GALNT18: variants seen among roughly 807,000 people sequenced by gnomAD.
The protein encoded by GALNT18 is polypeptide N-acetylgalactosaminyltransferase 18.
Under a neutral mutation model 69.5 loss-of-function variants are expected in GALNT18, and 44 were observed. The ratio of observed to expected loss-of-function variants is 0.63; its 90% CI spans 0.50 to 0.81. The LOEUF (loss-of-function observed/expected upper bound fraction) is 0.81. GALNT18 is among the 40% of genes least tolerant of loss of function. The probability of loss-of-function intolerance (pLI) is 0.00; values close to 1 mark genes in which losing one functional copy is unlikely to be tolerated. For synonymous variants in GALNT18, 364 were observed against 318.2 expected (o/e 1.14, Z -1.53); for missense variants, 715 against 810.0 (o/e 0.88, Z 1.42).
At chr11:11,326,262 T>C (rs764024743) in intron 9 of GALNT18, among the ~76,000 whole-genome samples, 4 of 152,114 alleles carry the variant, frequency 2.6e-5, no homozygotes, top group Non-Finnish European at 4.4e-5. Context: ...GCCAAGATGG[T>C]CTCGATCTCC....
intron 9 of GALNT18, among the ~76,000 whole-genome samples, chr11:11,293,533 CTTTTTTTTTTT>C (rs34166465): frequency 8.7e-5 from 7 of 80,190 alleles, no homozygotes; most frequent in Admixed American, 1.7e-4. Context: ...ACAAACCCCT[CTTTTTTTTTTT>C]TTTTTTTTTT....
rs544818731 is a variant in GALNT18 at position 11,511,436 on chromosome 11, C to A, written c.236-62500G>T. On this transcript the variant is annotated intron_variant, in intron 1 of 10. Coordinates refer to ENST00000227756, the MANE Select transcript of GALNT18 (RefSeq NM_198516.3). This position sits in a 1 kb window ranked among gnomAD's most constrained non-coding sequence, Gnocchi z 4.9. Reference sequence around the variant, plus strand: ...CAGTCCCCTACAGCTAACAGAGCGACCCCATACATGTGATCCCCAGAATAG... The same window carrying A: ...CAGTCCCCTACAGCTAACAGAGCGAACCCATACATGTGATCCCCAGAATAG... Among the ~76,000 whole-genome samples, 1 of 152,292 alleles carries A rather than the reference C, an allele frequency of 6.6e-6. No homozygotes were observed. The highest frequency in any genetic ancestry group is 2.1e-4 in the South Asian group (1 of 4,820).
At position 11,582,912 on chromosome 11, in the gene GALNT18, AC is replaced by A. The variant is rs1308783511; in HGVS notation, c.235+38446del. On this transcript the variant is annotated intron_variant, in intron 1 of 10. Coordinates refer to ENST00000227756, the MANE Select transcript of GALNT18 (RefSeq NM_198516.3). The surrounding 1 kb of genome is among the most constrained non-coding windows in gnomAD (Gnocchi z 5.0). The stretch of plus-strand genomic sequence containing the variant: ...ACAGAGCACAGCCACTGCCACACAC[AC>A]CCCACAGAAGTGGTTGTCATGGTCC... Among the ~76,000 whole-genome samples, 1 of 152,046 alleles carries A rather than the reference AC, an allele frequency of 6.6e-6. No homozygotes were observed. The highest frequency in any genetic ancestry group is 1.5e-5 in the Non-Finnish European group (1 of 68,020).
chr11:11,298,512 C>G (rs1849438765), intron 9 of GALNT18, among the ~76,000 whole-genome samples: 2 of 152,250 alleles, frequency 1.3e-5, no homozygotes, highest in South Asian at 4.1e-4. Context: ...CTCGGCTGCA[C>G]TGATGGCCAC....
At position 11,582,782 on chromosome 11, in the gene GALNT18, T is replaced by A. The variant is rs1859117876; in HGVS notation, c.235+38577A>T. On this transcript the variant is annotated intron_variant, in intron 1 of 10. Coordinates refer to ENST00000227756, the MANE Select transcript of GALNT18 (RefSeq NM_198516.3). The surrounding 1 kb of genome is among the most constrained non-coding windows in gnomAD (Gnocchi z 5.0). The stretch of plus-strand genomic sequence containing the variant: ...TATTCTTCCTACAATTAATAATCAT[T>A]ACAGGGCTTTAGGAAGTAAGCATTT... Among the ~76,000 whole-genome samples the A allele has an allele frequency of 1.3e-5, 2 of 152,184 alleles. No homozygotes were observed. The highest frequency in any genetic ancestry group is 2.9e-5 in the Non-Finnish European group (2 of 68,018).
At chr11:11,607,363 G>A (rs1859781177) in intron 1 of GALNT18, among the ~76,000 whole-genome samples, 1 of 152,174 alleles carries the variant, frequency 6.6e-6, no homozygotes, top group Admixed American at 6.5e-5. Context: ...TATTGCCTGG[G>A]AAGTTTCAGA....
chr11:11,530,088 C>A (rs1041380667), intron 1 of GALNT18, among the ~76,000 whole-genome samples: 4 of 152,048 alleles, frequency 2.6e-5, no homozygotes, highest in African/African-American at 9.7e-5. Context: ...GCCCTCCATC[C>A]CCTCCTCCCC....
chr11:11,612,374 T>C (rs1859929040), intron 1 of GALNT18, among the ~76,000 whole-genome samples: 2 of 152,252 alleles, frequency 1.3e-5, no homozygotes, highest in Admixed American at 1.3e-4. Context: ...TAATTCTCTA[T>C]ATGCCTGTTG....
rs75085176 is a variant in GALNT18, at chr11:11,368,348, C to G, written c.1092+4167G>C. On this transcript the variant is annotated intron_variant, in intron 6 of 10. Transcript: ENST00000227756. ...ACTTCTTAAATCTGAGGATTGGTGT[C>G]TTTTATCAGTTTGGGAAAATTTTAA... Among the ~76,000 whole-genome samples the G allele has an allele frequency of 1.4e-3, 220 of 152,170 alleles. No individual in the cohort carries two copies. The East Asian group carries it at 0.019, about 13-fold the overall frequency.
chr11:11,546,326 C>A lies in GALNT18; in HGVS notation c.235+75033G>T, dbSNP rs945327489. ...AGGCCATCGGGACTCCCTGTCTTATCCTCCCCATGCACTAGATCCTGCCAC... is the reference window on the plus strand; with the variant it reads ...AGGCCATCGGGACTCCCTGTCTTATACTCCCCATGCACTAGATCCTGCCAC... On this transcript the variant is annotated intron_variant, in intron 1 of 10. Transcript: ENST00000227756. This position sits in a 1 kb window ranked among gnomAD's most constrained non-coding sequence, Gnocchi z 5.8. Among the ~76,000 whole-genome samples the A allele has an allele frequency of 6.6e-6, 1 of 152,152 alleles. No individual in the cohort carries two copies. Among genetic ancestry groups the A allele is most frequent in the African/African-American group, 2.4e-5 (1 of 41,426 alleles).
intron 2 of GALNT18, among the ~76,000 whole-genome samples, chr11:11,434,864 G>T (rs1253024684): frequency 6.6e-6 from 1 of 152,170 alleles, no homozygotes; most frequent in Non-Finnish European, 1.5e-5. Context: ...GCAATTAAAA[G>T]ATTTATGGTT....
rs1213841367 is a variant in GALNT18 at position 11,436,149 on chromosome 11, G to A, written c.429-3362C>T. On this transcript the variant is annotated intron_variant, in intron 2 of 10. Transcript: ENST00000227756. The surrounding 1 kb of genome is among the most constrained non-coding windows in gnomAD (Gnocchi z 4.5). ...GATCGTTTTTGGGAAAGCGTTTGAAGGGGATGAAGTCACCCAGGTGCTGTT... is the reference window on the plus strand; with the variant it reads ...GATCGTTTTTGGGAAAGCGTTTGAAAGGGATGAAGTCACCCAGGTGCTGTT... Among the ~76,000 whole-genome samples the A allele has an allele frequency of 3.9e-5, 6 of 152,218 alleles. No individual in the cohort carries two copies. The highest frequency in any genetic ancestry group is 6.5e-5 in the Admixed American group (1 of 15,282).
intron 3 of GALNT18, among the ~76,000 whole-genome samples, chr11:11,419,966 T>C (rs983779462): frequency 6.6e-6 from 1 of 152,108 alleles, no homozygotes; most frequent in African/African-American, 2.4e-5. Flanking sequence ...GCCTTGGGCC[T>C]GGTACTCAAT....
intron 1 of GALNT18, among the ~76,000 whole-genome samples, chr11:11,517,630 A>T (rs1318814093): frequency 6.6e-6 from 1 of 152,146 alleles, no homozygotes; most frequent in Non-Finnish European, 1.5e-5. Context: ...AATAATATTT[A>T]AAAATGAGTG....
rs1312756709 is a variant in GALNT18, at chr11:11,309,902, A to AG, written c.1513-16710dup. ...CTCTCCTCACCCTGTCCCCACCCCCAGGGATATTGCTTTGTTAATTGCCCC... is the reference window on the plus strand; with the variant it reads ...CTCTCCTCACCCTGTCCCCACCCCCAGGGGATATTGCTTTGTTAATTGCCCC... On this transcript the variant is annotated intron_variant, in intron 9 of 10. Transcript: ENST00000227756. The surrounding 1 kb of genome is among the most constrained non-coding windows in gnomAD (Gnocchi z 4.6). 6.6e-6 allele frequency among the ~76,000 whole-genome samples: 1 copy of AG among 151,894 alleles called. No individual in the cohort carries two copies. The highest frequency in any genetic ancestry group is 1.5e-5 in the Non-Finnish European group (1 of 67,978).
rs758482976 is a variant in GALNT18, at chr11:11,293,089, C to G, written c.1617G>C (p.Arg539=). 7.2e-7 allele frequency: 1 copy of G among 1,383,398 alleles called. No individual in the cohort carries two copies. The highest frequency in any genetic ancestry group is 2.8e-5 in the East Asian group (1 of 36,180). The allele number at this position is 1,383,398 out of a possible 1,614,324, so 85.7% of individuals were successfully genotyped here. Residue 539 remains arginine (R), a synonymous_variant, in exon 10 of 11, where the codon CGG becomes CGC. Transcript: ENST00000227756. The part of the protein sequence containing the change: ...RCLVDVNSRP[R]LIECSYAKAK... ...CTTTGGCGTAGCTGCATTCGATGAG[C>G]CGGGGCCGGCTGTTGACGTCCACCA... is the stretch of plus-strand genomic sequence containing the variant.
rs897399037 is a variant in GALNT18, at chr11:11,469,365, A to G, written c.236-20429T>C. 1.2e-4 allele frequency among the ~76,000 whole-genome samples: 18 copies of G among 152,192 alleles called. No individual in the cohort carries two copies. Among genetic ancestry groups the G allele is most frequent in the African/African-American group, 4.3e-4 (18 of 41,450 alleles). On this transcript the variant is annotated intron_variant, in intron 1 of 10. Coordinates refer to ENST00000227756, the MANE Select transcript of GALNT18 (RefSeq NM_198516.3). The surrounding 1 kb of genome is among the most constrained non-coding windows in gnomAD (Gnocchi z 4.2). ...ATAAGCACTTCCAAGCTTCACAGCA[A>G]TAGACAGTCCTCGTCAAGTTTGTTG...
intron 9 of GALNT18, among the ~76,000 whole-genome samples, chr11:11,306,633 A>T (rs76131498): frequency 0.013 from 1,931 of 152,312 alleles, 41 homozygotes; most frequent in African/African-American, 0.044. Flanking sequence ...GGCCATTCAT[A>T]TTGGGGATCC....
Position 11,480,566 on chromosome 11 carries a change from G to C in GALNT18, c.236-31630C>G, listed in dbSNP as rs796612182. Among the ~76,000 whole-genome samples the C allele has an allele frequency of 6.6e-6, 1 of 152,092 alleles. No individual in the cohort carries two copies. The highest frequency in any genetic ancestry group is 2.1e-4 in the South Asian group (1 of 4,826). On this transcript the variant is annotated intron_variant, in intron 1 of 10. Coordinates refer to ENST00000227756, the MANE Select transcript of GALNT18 (RefSeq NM_198516.3). This position sits in a 1 kb window ranked among gnomAD's most constrained non-coding sequence, Gnocchi z 4.6. ...TAGTGTCTGGTTAGAAAGAGGCTCT[G>C]AGCAGTCTCTGGTCACCACCTGGTC...
Sources: allele counts gnomAD v4.1 joint callset (sites outside exome capture counted in the v4.1 genomes callset), GRCh38; gene constraint gnomAD v4.1.1; non-coding constraint Gnocchi (gnomAD v3.1); transcripts MANE v1.5; gene names NCBI Gene and HGNC (gene_info 2026-07-23, HGNC 2026-07-21).